Variants in RBMS3 observed in about 807,000 individuals in gnomAD.
The protein encoded by RBMS3 is RNA binding motif single stranded interacting protein 3, also known as RNA-binding motif, single-stranded-interacting protein 3.
A neutral mutation model predicts 66.8 loss-of-function variants in RBMS3; 27 were observed. That is an observed-to-expected ratio of 0.40 (90% CI 0.30 to 0.56). The LOEUF is 0.56. Among genes scored for constraint, RBMS3 ranks in the 20% least tolerant of loss-of-function variants. The pLI, the probability that RBMS3 is intolerant of heterozygous loss-of-function variation, is 0.40. For synonymous variants in RBMS3, 188 were observed against 183.0 expected, an observed-to-expected ratio of 1.03 and a Z score of -0.22; for missense variants, 513 against 549.5, an observed-to-expected ratio of 0.93 and a Z score of 0.66.
chr3:29,361,292 C>T (rs546010886), intron 1 of RBMS3, among the ~76,000 whole-genome samples: 3,209 of 151,996 alleles, frequency 0.021, 151 homozygotes, highest in African/African-American at 0.073. Flanking sequence ...GATTTTATTT[C>T]TCCTTCACTT....
intron 1 of RBMS3, among the ~76,000 whole-genome samples, chr3:29,294,607 G>T (rs186722788): frequency 7.1e-4 from 108 of 151,822 alleles, no homozygotes; most frequent in African/African-American, 2.5e-3. Context: ...AAATGGTAGT[G>T]GTGGTGGTCT....
intron 1 of RBMS3, among the ~76,000 whole-genome samples, chr3:29,331,154 G>A (rs887693279): frequency 7.2e-5 from 11 of 152,022 alleles, no homozygotes; most frequent in African/African-American, 1.2e-4. Context: ...CAGTCTGTGC[G>A]CTGCCTGGTG....
chr3:29,646,093 C>G (rs1377996094), intron 4 of RBMS3, among the ~76,000 whole-genome samples: 1 of 152,212 alleles, frequency 6.6e-6, no homozygotes, highest in Admixed American at 6.5e-5. Flanking sequence ...AATCATTTGG[C>G]TGTATGCCTG....
chr3:29,946,967 G>A (rs1379866530), intron 12 of RBMS3, among the ~76,000 whole-genome samples: 4 of 151,588 alleles, frequency 2.6e-5, no homozygotes, highest in African/African-American at 9.7e-5. Flanking sequence ...AAAGGATAGT[G>A]TGCAATTATG....
chr3:29,516,186 G>A (rs181526843), intron 3 of RBMS3, among the ~76,000 whole-genome samples: 50 of 152,276 alleles, frequency 3.3e-4, no homozygotes, highest in Non-Finnish European at 5.7e-4. Flanking sequence ...TGTGATGATC[G>A]TTTTAGCCGA....
chr3:29,471,629 G>T (rs1342365293), intron 2 of RBMS3, among the ~76,000 whole-genome samples: 2 of 150,644 alleles, frequency 1.3e-5, no homozygotes, highest in Non-Finnish European at 3.0e-5. Flanking sequence ...TTATTTATAA[G>T]AAATAAATAT....
At chr3:29,506,652 A>G (rs1022050752) in intron 3 of RBMS3, among the ~76,000 whole-genome samples, 5 of 152,046 alleles carry the variant, frequency 3.3e-5, no homozygotes, top group Admixed American at 6.6e-5. Context: ...TTTGAAAAGT[A>G]TTAGTATCGG....
Position 29,281,374 on chromosome 3 carries a change from A to G in RBMS3, c.-308A>G. The G allele has an allele frequency of 2.3e-6, 1 of 443,050 alleles. No homozygotes were observed. The highest frequency in any genetic ancestry group is 4.5e-5 in the East Asian group (1 of 22,442). 27.4% of individuals were successfully genotyped at this position (443,050 alleles called of 1,614,324 possible). On this transcript the variant is annotated 5_prime_UTR_variant, in exon 1 of 15. Transcript: ENST00000383767. ...ACTACAGACAGCCTGGTTAGAGAACAAACTGCCTCATCCCAAGTGGACCCC... is the reference window on the plus strand; with the variant it reads ...ACTACAGACAGCCTGGTTAGAGAACGAACTGCCTCATCCCAAGTGGACCCC...
chr3:29,298,166 A>G lies in RBMS3; in HGVS notation c.75+16410A>G, dbSNP rs1172410276. 2.6e-5 allele frequency among the ~76,000 whole-genome samples: 4 copies of G among 151,902 alleles called. No homozygotes were observed. In the East Asian group the frequency reaches 5.8e-4, roughly 22 times the overall value. ...ACCCCCTGCATGTGGTAGGTGTTTA[A>G]TAAGTGTCAATTGACTGAATGATTG... On this transcript the variant is annotated intron_variant, in intron 1 of 14. Coordinates refer to ENST00000383767, the MANE Select transcript of RBMS3 (RefSeq NM_001003793.3).
chr3:29,942,176 G>T (rs977280210), intron 11 of RBMS3, among the ~76,000 whole-genome samples: 1 of 151,672 alleles, frequency 6.6e-6, no homozygotes, highest in Admixed American at 6.6e-5. Context: ...GCATGAAATC[G>T]TAAGAGAAAT....
intron 14 of RBMS3, among the ~76,000 whole-genome samples, chr3:30,003,150 C>G (rs1699684621): frequency 6.6e-6 from 1 of 151,938 alleles, no homozygotes; most frequent in Admixed American, 6.6e-5. Context: ...GGCAAAAAAG[C>G]TAAGAGTAAA....
chr3:29,842,069 G>C (rs907905645), intron 6 of RBMS3, among the ~76,000 whole-genome samples: 2 of 152,036 alleles, frequency 1.3e-5, no homozygotes, highest in African/African-American at 4.8e-5. Flanking sequence ...TCTTAGACTT[G>C]AGTTACACTT....
chr3:29,474,804 A>T (rs2042888555), intron 2 of RBMS3, among the ~76,000 whole-genome samples: 1 of 152,240 alleles, frequency 6.6e-6, no homozygotes, highest in African/African-American at 2.4e-5. Context: ...AGTTGTGAGT[A>T]GAGAGGCAGG....
chr3:29,646,159 T>C (rs1049340716), intron 4 of RBMS3, among the ~76,000 whole-genome samples: 1 of 152,258 alleles, frequency 6.6e-6, no homozygotes, highest in African/African-American at 2.4e-5. Context: ...TCCTTAATTG[T>C]ACTGGTCACA....
chr3:29,667,344 A>G (rs1390113921), intron 4 of RBMS3, among the ~76,000 whole-genome samples: 1 of 152,182 alleles, frequency 6.6e-6, no homozygotes, highest in Non-Finnish European at 1.5e-5. Context: ...CCAGTGGTAT[A>G]ACCATGTAGT....
At chr3:29,477,452 A>G (rs1233668200) in intron 2 of RBMS3, among the ~76,000 whole-genome samples, 2 of 109,580 alleles carry the variant, frequency 1.8e-5, no homozygotes, top group Admixed American at 1.0e-4. Flanking sequence ...GGTCAGGGAT[A>G]TAACAAACAA....
At chr3:29,759,972 A>C (rs901516954) in intron 5 of RBMS3, among the ~76,000 whole-genome samples, 4 of 152,114 alleles carry the variant, frequency 2.6e-5, no homozygotes, top group Non-Finnish European at 5.9e-5. Context: ...CAGAGACGGG[A>C]GTCTCTAAAG....
chr3:29,593,487 G>A (rs575735099), intron 4 of RBMS3, among the ~76,000 whole-genome samples: 5 of 151,924 alleles, frequency 3.3e-5, no homozygotes, highest in Non-Finnish European at 5.9e-5. Context: ...ACTTGAGCAG[G>A]CGATTCGAGA....
At chr3:29,303,950 T>G (rs1322205367) in intron 1 of RBMS3, among the ~76,000 whole-genome samples, 1 of 151,916 alleles carries the variant, frequency 6.6e-6, no homozygotes, top group Non-Finnish European at 1.5e-5. Flanking sequence ...AAACCCCTGT[T>G]AAAACCATCA....
Sources: gnomAD v4.1 joint callset for allele counts (sites outside exome capture counted in the v4.1 genomes callset) on GRCh38, gnomAD v4.1.1 for gene constraint, MANE v1.5 for transcripts, NCBI Gene and HGNC (gene_info 2026-07-23, HGNC 2026-07-21) for gene names.